PTPRJ: variants seen among roughly 807,000 people sequenced by gnomAD.
PTPRJ encodes the protein receptor-type tyrosine-protein phosphatase eta.
PTPRJ carries 129 observed loss-of-function variants against 141.3 expected under a neutral mutation model. That is an observed-to-expected ratio of 0.91 (90% CI 0.79 to 1.06). The LOEUF (loss-of-function observed/expected upper bound fraction) is 1.06, where lower values mean the gene tolerates loss of function less well. Ranked by LOEUF, PTPRJ falls within the 50% of genes least tolerant of loss-of-function variation. The pLI is 0.00. For missense variants in PTPRJ, 1,601 were observed against 1,679.7 expected (o/e 0.95, Z 0.82); for synonymous variants, 610 against 640.5 (o/e 0.95, Z 0.72).
intron 1 of PTPRJ, among the ~76,000 whole-genome samples, chr11:48,088,562 C>T (rs1344818451): frequency 6.6e-6 from 1 of 152,134 alleles, no homozygotes; most frequent in Non-Finnish European, 1.5e-5. Flanking sequence ...GAGACTTGGG[C>T]ACAGTGATGT....
At chr11:48,104,992 C>A (rs184590695) in intron 1 of PTPRJ, among the ~76,000 whole-genome samples, 1 of 152,248 alleles carries the variant, frequency 6.6e-6, no homozygotes, top group Admixed American at 6.5e-5. Flanking sequence ...TTCCTCCCTG[C>A]TGGGATTATT....
chr11:48,111,119 A>T (rs1856427030), intron 2 of PTPRJ, among the ~76,000 whole-genome samples: 1 of 151,932 alleles, frequency 6.6e-6, no homozygotes, highest in South Asian at 2.1e-4. Flanking sequence ...TGTACTAAAA[A>T]TACCAAAAAA....
At chr11:48,068,874 T>C (rs1386987877) in intron 1 of PTPRJ, among the ~76,000 whole-genome samples, 1 of 152,168 alleles carries the variant, frequency 6.6e-6, no homozygotes, top group African/African-American at 2.4e-5. Flanking sequence ...CTTGTGAAGA[T>C]TAAATGAGAA....
intron 1 of PTPRJ, among the ~76,000 whole-genome samples, chr11:48,035,214 A>G (rs374506248): frequency 1.1e-4 from 16 of 152,346 alleles, no homozygotes; most frequent in African/African-American, 3.8e-4. Flanking sequence ...GTGAGGCCAC[A>G]TGAGCCACCC....
At chr11:48,117,644 A>T (rs1856604237) in intron 3 of PTPRJ, among the ~76,000 whole-genome samples, 1 of 151,412 alleles carries the variant, frequency 6.6e-6, no homozygotes, top group East Asian at 1.9e-4. Context: ...CCCTCAAGTA[A>T]ATAACCTAAT....
chr11:48,066,907 A>G (rs1329740347), intron 1 of PTPRJ, among the ~76,000 whole-genome samples: 22 of 152,172 alleles, frequency 1.4e-4, no homozygotes, highest in Admixed American at 1.3e-3. Flanking sequence ...TTCTTGACAA[A>G]TGGTTTTCCA....
chr11:47,982,182 G>A (rs1853928194), intron 1 of PTPRJ, among the ~76,000 whole-genome samples: 1 of 152,210 alleles, frequency 6.6e-6, no homozygotes, highest in South Asian at 2.1e-4. Context: ...GTCTCTCCTC[G>A]CAGTTTCCCC....
chr11:48,124,912 TG>T, intron 5 of PTPRJ, 55 bp from the exon 6 acceptor site: 1 of 1,564,080 alleles, frequency 6.4e-7, no homozygotes, highest in Non-Finnish European at 8.8e-7. Flanking sequence ...CGAAGGAAAA[TG>T]GGGGATGTGT....
intron 1 of PTPRJ, among the ~76,000 whole-genome samples, chr11:48,003,843 T>G (rs1427133792): frequency 6.6e-6 from 1 of 152,232 alleles, no homozygotes; most frequent in Admixed American, 6.5e-5. Flanking sequence ...CAATTGGGCT[T>G]CATGGTGGCT....
chr11:47,991,079 T>G (rs1261840364), intron 1 of PTPRJ, among the ~76,000 whole-genome samples: 1 of 152,124 alleles, frequency 6.6e-6, no homozygotes, highest in Non-Finnish European at 1.5e-5. Context: ...GTGTATTATA[T>G]ATACACACAC....
At position 48,158,822 on chromosome 11, in the gene PTPRJ, C is replaced by T. The variant is rs189433966; in HGVS notation, c.3439-1108C>T. Among the ~76,000 whole-genome samples, 6 of 152,156 alleles carry T rather than the reference C, an allele frequency of 3.9e-5. No homozygotes were observed. The highest frequency in any genetic ancestry group is 7.2e-5 in the African/African-American group (3 of 41,502). ...TACAAAATAGCTGGGTGTGGTGGCA[C>T]GTCTCTGTAGTCCAAACTCCTCTGG... On this transcript the variant is annotated intron_variant, in intron 21 of 24. Coordinates refer to ENST00000418331, the MANE Select transcript of PTPRJ (RefSeq NM_002843.4). This position sits in a 1 kb window ranked among gnomAD's most constrained non-coding sequence, Gnocchi z 4.4.
chr11:48,021,231 G>T (rs905963657), intron 1 of PTPRJ, among the ~76,000 whole-genome samples: 2 of 151,892 alleles, frequency 1.3e-5, no homozygotes, highest in Non-Finnish European at 1.5e-5. Flanking sequence ...AAAATTAGCC[G>T]GGCGTGTTGG....
chr11:48,147,074 T>A, intron 15 of PTPRJ, 111 bp downstream of exon 15: 1 of 913,350 alleles, frequency 1.1e-6, no homozygotes, highest in Admixed American at 1.8e-5. Context: ...AGCGCCATGT[T>A]CCCTTCACCC....
intron 7 of PTPRJ, among the ~76,000 whole-genome samples, chr11:48,128,736 C>CCTGATGGCTG (rs886899452): frequency 4.6e-5 from 7 of 152,028 alleles, no homozygotes; most frequent in Admixed American, 3.9e-4. Context: ...GAAATGACAC[C>CCTGATGGCTG]CTGATGGCTG....
At position 48,130,531 on chromosome 11, in the gene PTPRJ, A is replaced by T. The variant is rs1856947997; in HGVS notation, c.1430A>T (p.His477Leu). The T allele has an allele frequency of 6.2e-7, 1 of 1,614,156 alleles. No homozygotes were observed. The highest frequency in any genetic ancestry group is 8.5e-7 in the Non-Finnish European group (1 of 1,180,004). The change falls in exon 8 of 25, where the codon CAT becomes CTT. Residue 477 changes from histidine to leucine, a missense_variant. Physicochemically the swap from His to Leu is moderately conservative, Grantham distance 99. Transcript: ENST00000418331. ...GAGATCGGCTTAGCATGGAGCAGCC[A>T]TGATGCAGAATCATTTCAGATGCAT... ...TTEIGLAWSS[H>L]DAESFQMHIT...
intron 1 of PTPRJ, among the ~76,000 whole-genome samples, chr11:48,039,694 T>C (rs1475791880): frequency 6.6e-6 from 1 of 152,216 alleles, no homozygotes; most frequent in African/African-American, 2.4e-5. Flanking sequence ...CCTCTTATTT[T>C]TGAAGTTTTA....
At chr11:48,019,388 T>G (rs1290461242) in intron 1 of PTPRJ, among the ~76,000 whole-genome samples, 2 of 146,316 alleles carry the variant, frequency 1.4e-5, no homozygotes, top group African/African-American at 5.0e-5. Context: ...CCCACCTCCT[T>G]TCTCTGAGCC....
chr11:48,045,908 A>ACAACCATTTGAAATGGTTATTG, intron 1 of PTPRJ, among the ~76,000 whole-genome samples: 1 of 152,296 alleles, frequency 6.6e-6, no homozygotes, highest in East Asian at 1.9e-4. Flanking sequence ...CATTAGTTGA[A>ACAACCATTTGAAATGGTTATTG]CAACCATTTG....
Position 48,145,075 on chromosome 11 carries a change from T to C in PTPRJ, c.2862T>C (p.Tyr954=), listed in dbSNP as rs754081948. The change falls in exon 14 of 25, where the codon TAT becomes TAC. Residue 954 remains tyrosine, a synonymous_variant. Transcript: ENST00000418331. ...GGCTCATTGATGGGGCTGAGAGCTA[T>C]GTGTCCTTCAGTCGCTACTCAGATG... ...NKGLIDGAES[Y]VSFSRYSDAV... The C allele has an allele frequency of 5.6e-6, 9 of 1,614,218 alleles. No individual in the cohort carries two copies. The highest frequency in any genetic ancestry group is 7.6e-6 in the Non-Finnish European group (9 of 1,180,026).
Sources: gnomAD v4.1 joint callset for allele counts (sites outside exome capture counted in the v4.1 genomes callset) on GRCh38, gnomAD v4.1.1 for gene constraint, Gnocchi (gnomAD v3.1) non-coding constraint, MANE v1.5 for transcripts, NCBI Gene and HGNC (gene_info 2026-07-23, HGNC 2026-07-21) for gene names.